The following PTPN14 variants were observed in gnomAD, a reference collection of about 807,000 sequenced individuals.
The protein encoded by PTPN14 is tyrosine-protein phosphatase non-receptor type 14.
In PTPN14, 53 loss-of-function variants were observed where a neutral mutation model predicts 126.8. The observed-to-expected ratio is 0.42, with a 90% CI of 0.34 to 0.53. The LOEUF (loss-of-function observed/expected upper bound fraction) is 0.53. PTPN14 is among the 20% of genes least tolerant of loss of function. The probability of loss-of-function intolerance (pLI) is 0.08; values close to 1 mark genes in which losing one functional copy is unlikely to be tolerated. For synonymous variants in PTPN14, 630 were observed against 599.3 expected (o/e 1.05, Z -0.75); for missense variants, 1,257 against 1,552.9 (o/e 0.81, Z 3.20).
At chr1:214,549,399 C>T (rs1370257882) in intron 1 of PTPN14, among the ~76,000 whole-genome samples, 1 of 152,194 alleles carries the variant, frequency 6.6e-6, no homozygotes, top group Non-Finnish European at 1.5e-5. Context: ...CACAACTGTG[C>T]TAAAGCAATA....
chr1:214,446,595 T>C lies in PTPN14; in HGVS notation c.344+5210A>G, dbSNP rs373302155. ...CAATGTCACTCTCAAATTTTTGTTG[T>C]GTTGTTCTGAATACACTACTGACCT... is the stretch of plus-strand genomic sequence containing the variant. On this transcript the variant is annotated intron_variant, in intron 3 of 18. Coordinates refer to ENST00000366956, the MANE Select transcript of PTPN14 (RefSeq NM_005401.5). 7.9e-4 allele frequency among the ~76,000 whole-genome samples: 121 copies of C among 152,346 alleles called. 2 individuals carry two copies. The South Asian group carries it at 0.024, about 30-fold the overall frequency.
At chr1:214,477,058 G>A (rs1220264046) in intron 1 of PTPN14, among the ~76,000 whole-genome samples, 2 of 152,158 alleles carry the variant, frequency 1.3e-5, no homozygotes, top group Non-Finnish European at 2.9e-5. Context: ...ACCAAAACAT[G>A]CAACTACAGG....
At chr1:214,479,600 A>C (rs1263023045) in intron 1 of PTPN14, among the ~76,000 whole-genome samples, 3 of 151,972 alleles carry the variant, frequency 2.0e-5, no homozygotes, top group Non-Finnish European at 4.4e-5. Context: ...CAGCCTCCCA[A>C]ATTGCTGAGA....
rs577802060 is a variant in PTPN14, at chr1:214,371,820, G to A, written c.3036+891C>T. On this transcript the variant is annotated intron_variant, in intron 16 of 18. Coordinates refer to ENST00000366956, the MANE Select transcript of PTPN14 (RefSeq NM_005401.5). ...GTCCCTTTCATTATTTTCTTCTAAT[G>A]GACTGTGCTGAGAAGCAAATGCTCA... is the stretch of plus-strand genomic sequence containing the variant. 1.4e-4 allele frequency among the ~76,000 whole-genome samples: 22 copies of A among 152,158 alleles called. No individual in the cohort carries two copies. In the South Asian group the frequency reaches 2.7e-3, roughly 19 times the overall value.
At chr1:214,386,469 C>T (rs575197791) in intron 12 of PTPN14, among the ~76,000 whole-genome samples, 1 of 152,268 alleles carries the variant, frequency 6.6e-6, no homozygotes, top group Non-Finnish European at 1.5e-5. Context: ...TTCTGCATGC[C>T]CGTGTTCTAC....
chr1:214,464,695 G>A lies in PTPN14; in HGVS notation c.109C>T (p.Leu37=). The part of the protein sequence containing the change: ...LLDSNVIECT[L]SVESTGQECL... ...TCTTGCCCTGTGCTTTCCACCGACA[G>A]CGTGCACTCGATAACATTGCTGTCC... Residue 37 remains leucine, a synonymous_variant, in exon 2 of 19, where the codon CTG becomes TTG. Transcript: ENST00000366956. 1 of 1,614,282 alleles carries A rather than the reference G, an allele frequency of 6.2e-7. No homozygotes were observed.
At chr1:214,368,453 G>A (rs558647425) in intron 17 of PTPN14, among the ~76,000 whole-genome samples, 61 of 152,090 alleles carry the variant, frequency 4.0e-4, no homozygotes, top group African/African-American at 1.4e-3. Flanking sequence ...CGCCCACCTC[G>A]GCCTCCCAAA....
chr1:214,393,881 T>C (rs1658817292), intron 9 of PTPN14, 104 bp from the exon 10 acceptor site: 1 of 907,636 alleles, frequency 1.1e-6, no homozygotes, highest in Non-Finnish European at 1.7e-6. Context: ...CCAACCTTCA[T>C]CTCAAGCACA....
chr1:214,397,469 T>C (rs1038760532), intron 8 of PTPN14, among the ~76,000 whole-genome samples: 1 of 152,168 alleles, frequency 6.6e-6, no homozygotes, highest in Non-Finnish European at 1.5e-5. Flanking sequence ...GTCAAAATAA[T>C]GAAAAGTACC....
At chr1:214,488,438 G>A (rs1327402053) in intron 1 of PTPN14, among the ~76,000 whole-genome samples, 2 of 151,938 alleles carry the variant, frequency 1.3e-5, no homozygotes, top group African/African-American at 4.8e-5. Flanking sequence ...CTCTGTACAG[G>A]CACACAAAAG....
intron 1 of PTPN14, among the ~76,000 whole-genome samples, chr1:214,539,443 C>G (rs1042732482): frequency 9.9e-5 from 15 of 152,062 alleles, no homozygotes; most frequent in African/African-American, 3.4e-4. Flanking sequence ...AACCAAGAAC[C>G]AAACAATAAG....
intron 3 of PTPN14, among the ~76,000 whole-genome samples, chr1:214,428,654 T>C (rs1168964026): frequency 2.0e-5 from 3 of 152,168 alleles, no homozygotes; most frequent in Non-Finnish European, 4.4e-5. Flanking sequence ...TGAGTCCAGA[T>C]TAAGAATGGC....
intron 3 of PTPN14, among the ~76,000 whole-genome samples, chr1:214,431,483 CAAAG>C (rs1659796145): frequency 6.6e-6 from 1 of 152,178 alleles, no homozygotes; most frequent in Non-Finnish European, 1.5e-5. Context: ...CCTGAACATA[CAAAG>C]AGTGAATGGC....
chr1:214,458,354 T>C (rs893552122), intron 2 of PTPN14, among the ~76,000 whole-genome samples: 19 of 152,048 alleles, frequency 1.2e-4, no homozygotes, highest in South Asian at 2.1e-4. Context: ...CCCCAGTTTC[T>C]AATAATTAAA....
intron 11 of PTPN14, 43 bp downstream of exon 11, chr1:214,390,945 C>T: frequency 7.1e-7 from 1 of 1,406,514 alleles, no homozygotes; most frequent in Non-Finnish European, 9.6e-7. Flanking sequence ...ACAAAGAATG[C>T]TCAACAGTCA....
In PTPN14 at chr1:214,525,903, C is replaced by T. The variant is rs190582184; in HGVS notation, c.-155+25280G>A. On this transcript the variant is annotated intron_variant, in intron 1 of 18. Coordinates refer to ENST00000366956, the MANE Select transcript of PTPN14 (RefSeq NM_005401.5). The stretch of plus-strand genomic sequence containing the variant: ...ATGGACTTGGCCCGTTACACATCTG[C>T]CCAGAGTAGTTTCATCTTACATGGC... 2.8e-4 allele frequency among the ~76,000 whole-genome samples: 42 copies of T among 151,922 alleles called. No homozygotes were observed. The East Asian group carries it at 7.9e-3, about 29-fold the overall frequency.
rs1192868058 is a variant in PTPN14, at chr1:214,349,249, GCAA to G, written c.*8670_*8672del. The G allele has an allele frequency of 1.3e-5, 2 of 152,152 alleles. No individual in the cohort carries two copies. Among genetic ancestry groups the G allele is most frequent in the African/African-American group, 4.8e-5 (2 of 41,424 alleles). The allele number at this position is 152,152 out of a possible 1,614,324, so 9.4% of individuals were successfully genotyped here. On this transcript the variant is annotated 3_prime_UTR_variant, in exon 19 of 19. Coordinates refer to ENST00000366956, the MANE Select transcript of PTPN14 (RefSeq NM_005401.5). ...CCCAACCTGGAATGCATTTCTTACGGCAACAACATAAGAGATGGTGATTAAATG... is the reference window on the plus strand; with the variant it reads ...CCCAACCTGGAATGCATTTCTTACGGCAACATAAGAGATGGTGATTAAATG...
intron 5 of PTPN14, among the ~76,000 whole-genome samples, chr1:214,407,084 TCAAG>T (rs2102573721): frequency 6.6e-6 from 1 of 152,326 alleles, no homozygotes; most frequent in African/African-American, 2.4e-5. Context: ...AAATGTTGAC[TCAAG>T]CATATTGACA....
intron 2 of PTPN14, 123 bp downstream of exon 2, chr1:214,464,507 T>C: frequency 7.7e-7 from 1 of 1,293,898 alleles, no homozygotes; most frequent in Non-Finnish European, 1.1e-6. Context: ...AAACACATCG[T>C]CGCTTAGGCC....
Sources: gnomAD v4.1 joint callset for allele counts (sites outside exome capture counted in the v4.1 genomes callset) on GRCh38, gnomAD v4.1.1 for gene constraint, MANE v1.5 for transcripts, NCBI Gene and HGNC (gene_info 2026-07-23, HGNC 2026-07-21) for gene names.